Variants in LINGO2 observed in about 807,000 individuals in gnomAD.
The protein encoded by LINGO2 is leucine-rich repeat and immunoglobulin-like domain-containing nogo receptor-interacting protein 2.
LINGO2 carries 14 observed loss-of-function variants against 30.6 expected under a neutral mutation model. The ratio of observed to expected loss-of-function variants is 0.46; its 90% CI spans 0.30 to 0.72. The LOEUF is 0.72. Ranked by LOEUF, LINGO2 falls within the 30% of genes least tolerant of loss-of-function variation. The pLI, the probability that LINGO2 is intolerant of heterozygous loss-of-function variation, is 0.07. For missense variants in LINGO2, 729 were observed against 751.7 expected, an observed-to-expected ratio of 0.97 and a Z score of 0.35; for synonymous variants, 317 against 288.5, an observed-to-expected ratio of 1.10 and a Z score of -1.00.
the LINGO2 span, among the ~76,000 whole-genome samples, chr9:29,017,678 T>A: frequency 6.6e-6 from 1 of 151,888 alleles, no homozygotes; most frequent in Admixed American, 6.6e-5. Flanking sequence ...AACTGGGCAA[T>A]AGCCTATCTG....
chr9:28,007,483 TTAATTA>T (rs1379601084), intron 5 of LINGO2, among the ~76,000 whole-genome samples: 1 of 152,186 alleles, frequency 6.6e-6, no homozygotes, highest in African/African-American at 2.4e-5. Context: ...AAATGTCCTT[TTAATTA>T]TATTTTATCC....
At chr9:28,249,391 G>T (rs1001911715) in intron 4 of LINGO2, among the ~76,000 whole-genome samples, 3 of 152,118 alleles carry the variant, frequency 2.0e-5, no homozygotes, top group Non-Finnish European at 4.4e-5. Flanking sequence ...TATTATTCAA[G>T]TTTCTAGAAT....
At chr9:29,053,934 C>T in the LINGO2 span, among the ~76,000 whole-genome samples, 54,430 of 151,580 alleles carry the variant, frequency 0.36, 9,846 homozygotes, top group East Asian at 0.48. Flanking sequence ...AGAAAGGAGA[C>T]ACAGAAAGAT....
chr9:28,189,649 G>A (rs201974748), intron 4 of LINGO2, among the ~76,000 whole-genome samples: 121 of 5,078 alleles, frequency 0.024, 8 homozygotes, highest in East Asian at 0.058. Context: ...GGAAGGGAGG[G>A]AGGAAGGAAG....
the LINGO2 span, among the ~76,000 whole-genome samples, chr9:28,960,985 A>G: frequency 1.3e-5 from 2 of 152,304 alleles, no homozygotes; most frequent in African/African-American, 4.8e-5. Context: ...AGGAAGCACC[A>G]TAGCTGTCTT....
chr9:28,761,653 A>T, the LINGO2 span, among the ~76,000 whole-genome samples: 1 of 151,986 alleles, frequency 6.6e-6, no homozygotes, highest in Non-Finnish European at 1.5e-5. Flanking sequence ...TATTAGTGAT[A>T]CCCCTAAGGA....
the LINGO2 span, among the ~76,000 whole-genome samples, chr9:28,969,204 T>G: frequency 1.3e-5 from 2 of 152,070 alleles, no homozygotes; most frequent in Non-Finnish European, 2.9e-5. Context: ...AAAGAGCAGA[T>G]TAAGGCATAT....
At chr9:28,863,191 G>A in the LINGO2 span, among the ~76,000 whole-genome samples, 1 of 152,090 alleles carries the variant, frequency 6.6e-6, no homozygotes, top group East Asian at 1.9e-4. Context: ...TAACAATGAT[G>A]TCTTCAAGCC....
intron 4 of LINGO2, among the ~76,000 whole-genome samples, chr9:28,150,677 C>T (rs6476039): frequency 0.081 from 12,396 of 152,172 alleles, 576 homozygotes; most frequent in East Asian, 0.2. Flanking sequence ...TCTTTTTCCT[C>T]GACTGTAAGA....
chr9:28,972,141 C>G, the LINGO2 span, among the ~76,000 whole-genome samples: 1 of 152,224 alleles, frequency 6.6e-6, no homozygotes, highest in Admixed American at 6.5e-5. Flanking sequence ...CATGCAAGTC[C>G]TTATGAATAT....
At chr9:29,164,278 G>A in the LINGO2 span, among the ~76,000 whole-genome samples, 1 of 152,080 alleles carries the variant, frequency 6.6e-6, no homozygotes. Context: ...CTAAATAGAA[G>A]ATTCGTGAGC....
intron 3 of LINGO2, among the ~76,000 whole-genome samples, chr9:28,328,296 C>G (rs546279294): frequency 4.6e-5 from 7 of 152,004 alleles, no homozygotes; most frequent in Non-Finnish European, 7.4e-5. Flanking sequence ...AAGTAAAAGG[C>G]TGTCTGTAAT....
the LINGO2 span, among the ~76,000 whole-genome samples, chr9:29,041,998 T>C: frequency 2.0e-5 from 3 of 151,914 alleles, no homozygotes; most frequent in Non-Finnish European, 4.4e-5. Context: ...TGAACATATA[T>C]TTTACCAAAG....
At chr9:28,870,104 G>A in the LINGO2 span, among the ~76,000 whole-genome samples, 1 of 150,830 alleles carries the variant, frequency 6.6e-6, no homozygotes, top group Non-Finnish European at 1.5e-5. Context: ...TTTCCCATTT[G>A]TAGACACATG....
chr9:28,665,054 A>C (rs1828746027), intron 1 of LINGO2, among the ~76,000 whole-genome samples: 1 of 141,866 alleles, frequency 7.0e-6, no homozygotes, highest in Non-Finnish European at 1.5e-5. Context: ...AAGCGAACAC[A>C]ATAGGTACTC....
intron 1 of LINGO2, among the ~76,000 whole-genome samples, chr9:28,644,794 G>A (rs1168323113): frequency 1.3e-5 from 2 of 151,768 alleles, no homozygotes; most frequent in Non-Finnish European, 2.9e-5. Flanking sequence ...AACATCTCCT[G>A]CACTCCATAA....
At chr9:28,781,554 A>C in the LINGO2 span, among the ~76,000 whole-genome samples, 1 of 152,118 alleles carries the variant, frequency 6.6e-6, no homozygotes, top group Admixed American at 6.6e-5. Context: ...CCCTTCCCAT[A>C]CTCCATTGTC....
At chr9:28,698,949 G>T in the LINGO2 span, among the ~76,000 whole-genome samples, 1 of 151,910 alleles carries the variant, frequency 6.6e-6, no homozygotes, top group African/African-American at 2.4e-5. Context: ...GGCTAAGGTG[G>T]GAGGTTCACT....
At chr9:28,194,561 T>TAAAAAAAAA (rs555810032) in intron 4 of LINGO2, among the ~76,000 whole-genome samples, 1 of 114,502 alleles carries the variant, frequency 8.7e-6, no homozygotes, top group Admixed American at 8.8e-5. Flanking sequence ...CTCTCTATCC[T>TAAAAAAAAA]AAAAAAAAAA....
Sources: gnomAD v4.1 joint callset for allele counts (sites outside exome capture counted in the v4.1 genomes callset) on GRCh38, gnomAD v4.1.1 for gene constraint, MANE v1.5 for transcripts, NCBI Gene and HGNC (gene_info 2026-07-23, HGNC 2026-07-21) for gene names.